The following GRM5 variants were observed in gnomAD, a reference collection of about 807,000 sequenced individuals.
The protein encoded by GRM5 is metabotropic glutamate receptor 5.
In GRM5, 19 loss-of-function variants were observed where a neutral mutation model predicts 83.1. The observed-to-expected ratio is 0.23, with a 90% confidence interval of 0.16 to 0.34. The LOEUF (loss-of-function observed/expected upper bound fraction) is 0.34. GRM5 is among the 10% of genes least tolerant of loss of function. The pLI, the probability that GRM5 is intolerant of heterozygous loss-of-function variation, is 1.00. For missense variants in GRM5, 1,160 were observed against 1,588.3 expected, an observed-to-expected ratio of 0.73 and a Z score of 4.58; for synonymous variants, 675 against 633.6, an observed-to-expected ratio of 1.07 and a Z score of -0.98.
rs577900006 is a variant in GRM5 at position 88,857,623 on chromosome 11, C to T, written c.662-7468G>A. Reference sequence around the variant, plus strand: ...GTTCTTTTGTTTGATGCCATTTTTCCCACTACAGCCATATGTGCAATGGAT... The same window carrying T: ...GTTCTTTTGTTTGATGCCATTTTTCTCACTACAGCCATATGTGCAATGGAT... On this transcript the variant is annotated intron_variant, in intron 2 of 9. Transcript: ENST00000305447. 3.9e-5 allele frequency among the ~76,000 whole-genome samples: 6 copies of T among 152,062 alleles called. No homozygotes were observed. The East Asian group carries it at 1.2e-3, about 29-fold the overall frequency.
At chr11:88,984,472 T>A (rs149630042) in intron 2 of GRM5, among the ~76,000 whole-genome samples, 57 of 152,260 alleles carry the variant, frequency 3.7e-4, no homozygotes, top group Non-Finnish European at 1.3e-4. Context: ...GTACACTCTA[T>A]GATGTTCACA....
intron 2 of GRM5, among the ~76,000 whole-genome samples, chr11:88,954,585 G>C (rs562167807): frequency 6.6e-6 from 1 of 152,314 alleles, no homozygotes; most frequent in South Asian, 2.1e-4. Flanking sequence ...AATCTAAGCT[G>C]TTTGATACCA....
chr11:88,787,209 G>A (rs1303680334), intron 3 of GRM5, among the ~76,000 whole-genome samples: 4 of 150,574 alleles, frequency 2.7e-5, no homozygotes, highest in Admixed American at 6.7e-5. Context: ...ATGCCCCTCT[G>A]AAGAGATAAG....
At chr11:89,020,784 G>T (rs1317609959) in intron 2 of GRM5, among the ~76,000 whole-genome samples, 3 of 152,088 alleles carry the variant, frequency 2.0e-5, no homozygotes, top group Non-Finnish European at 4.4e-5. Context: ...TATACTATGT[G>T]CCAAGCATGA....
intron 2 of GRM5, among the ~76,000 whole-genome samples, chr11:88,998,622 T>C (rs1940270543): frequency 6.6e-6 from 1 of 152,082 alleles, no homozygotes; most frequent in African/African-American, 2.4e-5. Flanking sequence ...AAACTAAGAT[T>C]AGAGATGAAG....
In GRM5 at chr11:88,743,481, G is replaced by T. The variant is rs564673552; in HGVS notation, c.912-90078C>A. On this transcript the variant is annotated intron_variant, in intron 3 of 9. Transcript: ENST00000305447. ...CTCATGCCAAATAATTTGCCTCACTGCTGGATTAAGTTCAGGGTGACTGGA... is the reference window on the plus strand; with the variant it reads ...CTCATGCCAAATAATTTGCCTCACTTCTGGATTAAGTTCAGGGTGACTGGA... Among the ~76,000 whole-genome samples, 4 of 152,194 alleles carry T rather than the reference G, an allele frequency of 2.6e-5. No individual in the cohort carries two copies. In the South Asian group the frequency reaches 6.2e-4, roughly 24 times the overall value.
rs539993847 is a variant in GRM5, at chr11:88,795,265, A to G, written c.911+54641T>C. 2.6e-5 allele frequency among the ~76,000 whole-genome samples: 4 copies of G among 152,352 alleles called. No individual in the cohort carries two copies. In the South Asian group the frequency reaches 8.3e-4, roughly 32 times the overall value. ...GCAGGCAACTTGGCCAAAGTTGTACAGCTGGTTACAGATTCTGATCCAGTT... is the reference window on the plus strand; with the variant it reads ...GCAGGCAACTTGGCCAAAGTTGTACGGCTGGTTACAGATTCTGATCCAGTT... On this transcript the variant is annotated intron_variant, in intron 3 of 9. Coordinates refer to ENST00000305447, the MANE Select transcript of GRM5 (RefSeq NM_001143831.3).
rs571704944 is a variant in GRM5, at chr11:88,547,813, T to A, written c.2630+19240A>T. Among the ~76,000 whole-genome samples the A allele has an allele frequency of 4.8e-4, 73 of 152,220 alleles. No individual in the cohort carries two copies. The South Asian group carries it at 0.015, about 30-fold the overall frequency. The stretch of plus-strand genomic sequence containing the variant: ...GTCTCAGCTTTCACAAGTGTAAAAA[T>A]TAGCATATTTTTATTTTACAAGGCT... On this transcript the variant is annotated intron_variant, in intron 8 of 9. Transcript: ENST00000305447.
At chr11:88,848,499 G>A (rs1351977261) in intron 3 of GRM5, among the ~76,000 whole-genome samples, 2 of 152,048 alleles carry the variant, frequency 1.3e-5, no homozygotes, top group Non-Finnish European at 2.9e-5. Flanking sequence ...TCTCTATTTG[G>A]GGCAGAAATC....
intron 2 of GRM5, among the ~76,000 whole-genome samples, chr11:88,940,204 A>T (rs1371714066): frequency 6.6e-6 from 1 of 151,602 alleles, no homozygotes; most frequent in Non-Finnish European, 1.5e-5. Flanking sequence ...AGAAGAAACC[A>T]ATTTTAATTT....
At chr11:88,840,150 CT>C (rs1023524209) in intron 3 of GRM5, among the ~76,000 whole-genome samples, 17 of 150,708 alleles carry the variant, frequency 1.1e-4, no homozygotes, top group South Asian at 2.1e-4. Context: ...GCATTTTTGC[CT>C]TTTTTTTTCA....
chr11:88,838,868 T>TACAC (rs59388840), intron 3 of GRM5, among the ~76,000 whole-genome samples: 8,899 of 144,728 alleles, frequency 0.061, 338 homozygotes, highest in African/African-American at 0.11. Flanking sequence ...CCCCTTATGC[T>TACAC]ACACACACAC....
intron 1 of GRM5, among the ~76,000 whole-genome samples, chr11:89,051,560 A>C (rs1032352524): frequency 1.3e-5 from 2 of 151,790 alleles, no homozygotes; most frequent in Non-Finnish European, 2.9e-5. Context: ...AAAGAGAAAA[A>C]TTAGCTGGAT....
chr11:88,810,744 T>A (rs1449539541), intron 3 of GRM5, among the ~76,000 whole-genome samples: 1 of 152,170 alleles, frequency 6.6e-6, no homozygotes, highest in African/African-American at 2.4e-5. Flanking sequence ...TAAATATGTA[T>A]GTCAGTATGA....
intron 3 of GRM5, among the ~76,000 whole-genome samples, chr11:88,838,084 C>CAAAAAAAAAAAAAA (rs1157680177): frequency 1.4e-4 from 8 of 55,448 alleles, no homozygotes; most frequent in African/African-American, 2.4e-4. Context: ...GACTCCATCT[C>CAAAAAAAAAAAAAA]AAAAAAAAAA....
chr11:88,552,711 G>C (rs1233567685), intron 8 of GRM5, among the ~76,000 whole-genome samples: 1 of 152,146 alleles, frequency 6.6e-6, no homozygotes, highest in Non-Finnish European at 1.5e-5. Context: ...ATAGACTGTT[G>C]ACACACAAGG....
At chr11:89,044,125 T>C (rs1479072419) in intron 2 of GRM5, among the ~76,000 whole-genome samples, 4 of 152,166 alleles carry the variant, frequency 2.6e-5, no homozygotes, top group East Asian at 1.9e-4. Context: ...TTTGCAAAAG[T>C]ACTAAGGCAA....
At chr11:88,634,000 C>G (rs1002245669) in intron 4 of GRM5, among the ~76,000 whole-genome samples, 1 of 152,136 alleles carries the variant, frequency 6.6e-6, no homozygotes, top group African/African-American at 2.4e-5. Flanking sequence ...AAGCTACAAA[C>G]CTGTACAGCA....
intron 3 of GRM5, among the ~76,000 whole-genome samples, chr11:88,715,091 TA>T (rs1211673900): frequency 6.6e-6 from 1 of 152,024 alleles, no homozygotes; most frequent in Non-Finnish European, 1.5e-5. Flanking sequence ...TTCGCCTTCA[TA>T]AAAATCCTCT....
Sources: allele counts gnomAD v4.1 joint callset (sites outside exome capture counted in the v4.1 genomes callset), GRCh38; gene constraint gnomAD v4.1.1; transcripts MANE v1.5; gene names NCBI Gene and HGNC (gene_info 2026-07-23, HGNC 2026-07-21).